WNT3: variants seen among roughly 807,000 people sequenced by gnomAD.
WNT3 encodes proto-oncogene Wnt-3.
Under a neutral mutation model 34.2 loss-of-function variants are expected in WNT3, and 7 were observed. The observed-to-expected ratio is 0.20, with a 90% CI of 0.12 to 0.38. The LOEUF (loss-of-function observed/expected upper bound fraction) is 0.38, where lower values mean the gene tolerates loss of function less well. Among genes scored for constraint, WNT3 ranks in the 10% least tolerant of loss-of-function variants. The probability of loss-of-function intolerance (pLI) is 1.00; values close to 1 mark genes in which losing one functional copy is unlikely to be tolerated. For synonymous variants in WNT3, 212 were observed against 211.5 expected (o/e 1.00, Z -0.02); for missense variants, 267 against 499.8 (o/e 0.53, Z 4.44).
intron 1 of WNT3, among the ~76,000 whole-genome samples, chr17:46,795,109 G>A (rs1188984143): frequency 6.6e-6 from 1 of 152,002 alleles, no homozygotes; most frequent in East Asian, 1.9e-4. Flanking sequence ...CCTCACCTGT[G>A]TCCCTCTGAG....
chr17:46,812,439 G>A (rs1383972595), intron 1 of WNT3, among the ~76,000 whole-genome samples: 1 of 152,166 alleles, frequency 6.6e-6, no homozygotes, highest in East Asian at 1.9e-4. Flanking sequence ...AGCTCCTAGA[G>A]AAGCAACTTC....
chr17:46,768,288 C>T lies in WNT3; in HGVS notation c.*8+24G>A. The T allele has an allele frequency of 1.9e-6, 3 of 1,612,346 alleles. No individual in the cohort carries two copies. Among genetic ancestry groups the T allele is most frequent in the Middle Eastern group, 1.8e-4 (1 of 5,558 alleles). ...TTCCCTGCGCCCAGGCTCCCAGCCT[C>T]CCCCCTGCTTCCCGGAGCCCTACCT... is the stretch of plus-strand genomic sequence containing the variant. On this transcript the variant is annotated intron_variant, in intron 4 of 4. Coordinates refer to ENST00000225512, the MANE Select transcript of WNT3 (RefSeq NM_030753.5). The surrounding 1 kb of genome is among the most constrained non-coding windows in gnomAD (Gnocchi z 5.0).
At chr17:46,766,739 T>A (rs762952080) in intron 4 of WNT3, among the ~76,000 whole-genome samples, 3 of 151,962 alleles carry the variant, frequency 2.0e-5, no homozygotes, top group Non-Finnish European at 4.4e-5. Flanking sequence ...CCTCCCCTAC[T>A]CCCTATGGCA....
At chr17:46,802,317 GTGCAGTGTTGTGATCTCAGCTCAC>G (rs2084135527) in intron 1 of WNT3, among the ~76,000 whole-genome samples, 1 of 152,182 alleles carries the variant, frequency 6.6e-6, no homozygotes, top group African/African-American at 2.4e-5. Flanking sequence ...CCTGGCTGGA[GTGCAGTGTTGTGATCTCAGCTCAC>G]TGCAACCTCC....
intron 2 of WNT3, 76 bp downstream of exon 2, chr17:46,773,592 C>CT: frequency 6.9e-7 from 1 of 1,454,512 alleles, no homozygotes; most frequent in South Asian, 1.4e-5. Flanking sequence ...GGCACCCTGA[C>CT]TGGGGTGGAA....
intron 1 of WNT3, among the ~76,000 whole-genome samples, chr17:46,799,788 T>C (rs991827163): frequency 6.6e-6 from 1 of 152,132 alleles, no homozygotes; most frequent in Admixed American, 6.5e-5. Context: ...ACAACTACCT[T>C]GAGATCATAT....
At chr17:46,811,878 A>T (rs2084281009) in intron 1 of WNT3, among the ~76,000 whole-genome samples, 1 of 151,728 alleles carries the variant, frequency 6.6e-6, no homozygotes, top group African/African-American at 2.4e-5. Flanking sequence ...AATTGCTTGA[A>T]CTCGGGAGGC....
chr17:46,816,418 A>ACTATACAC (rs1283527758), intron 1 of WNT3, among the ~76,000 whole-genome samples: 2 of 150,330 alleles, frequency 1.3e-5, no homozygotes, highest in African/African-American at 4.9e-5. Flanking sequence ...ACTTTTGCAC[A>ACTATACAC]CAGAGACACA....
intron 1 of WNT3, among the ~76,000 whole-genome samples, chr17:46,795,122 AC>A (rs2084036747): frequency 6.6e-6 from 1 of 151,906 alleles, no homozygotes; most frequent in Non-Finnish European, 1.5e-5. Context: ...CCTCTGAGCC[AC>A]CATTTTGGCC....
chr17:46,790,806 C>T (rs1180448196), intron 1 of WNT3, among the ~76,000 whole-genome samples: 1 of 152,242 alleles, frequency 6.6e-6, no homozygotes, highest in African/African-American at 2.4e-5. Context: ...TCCACCTTGG[C>T]AGAAATCAGA....
intron 2 of WNT3, among the ~76,000 whole-genome samples, chr17:46,771,513 C>A (rs1036950189): frequency 1.3e-5 from 2 of 148,934 alleles, no homozygotes. Flanking sequence ...GGGGGCGGGG[C>A]GGGGATTAGC....
At chr17:46,785,858 G>T (rs2059500242) in intron 1 of WNT3, among the ~76,000 whole-genome samples, 1 of 152,210 alleles carries the variant, frequency 6.6e-6, no homozygotes, top group African/African-American at 2.4e-5. Flanking sequence ...GGGAGGGAAG[G>T]GGTGTGGAGG....
At chr17:46,791,072 T>C (rs1341622044) in intron 1 of WNT3, among the ~76,000 whole-genome samples, 1 of 152,104 alleles carries the variant, frequency 6.6e-6, no homozygotes, top group East Asian at 1.9e-4. Flanking sequence ...TAGGTGGAAG[T>C]TCTGTCTGCA....
rs191773041 is a variant in WNT3 at position 46,763,214 on chromosome 17, C to T, written c.*1416G>A. On this transcript the variant is annotated 3_prime_UTR_variant, in exon 5 of 5. Coordinates refer to ENST00000225512, the MANE Select transcript of WNT3 (RefSeq NM_030753.5). ...CTTTGTTCTGCTCATTCCCCTGCTG[C>T]ATCTCTTCTTTCTGATTCTCCCTAA... 1 of 152,320 alleles carries T rather than the reference C, an allele frequency of 6.6e-6. No individual in the cohort carries two copies. The highest frequency in any genetic ancestry group is 2.4e-5 in the African/African-American group (1 of 41,552). 9.4% of individuals were successfully genotyped at this position (152,320 alleles called of 1,614,324 possible). A position where few individuals can be genotyped will look rare whatever the true frequency, so the allele number is the denominator to read the frequency against.
intron 1 of WNT3, among the ~76,000 whole-genome samples, chr17:46,785,785 C>T (rs1177178141): frequency 6.6e-6 from 1 of 151,812 alleles, no homozygotes; most frequent in Non-Finnish European, 1.5e-5. Context: ...AGGGAAGAGG[C>T]TGCGGGCCCT....
At chr17:46,767,149 A>G (rs1170675589) in intron 4 of WNT3, among the ~76,000 whole-genome samples, 1 of 152,086 alleles carries the variant, frequency 6.6e-6, no homozygotes, top group African/African-American at 2.4e-5. Flanking sequence ...CTCCTCATCC[A>G]TGCTGACCTA....
chr17:46,775,940 G>A (rs950073928), intron 1 of WNT3, among the ~76,000 whole-genome samples: 2 of 152,174 alleles, frequency 1.3e-5, no homozygotes, highest in African/African-American at 2.4e-5. Context: ...CGGTGGTAAT[G>A]GCTAATTACT....
chr17:46,810,467 T>C (rs2084259504), intron 1 of WNT3, among the ~76,000 whole-genome samples: 1 of 152,206 alleles, frequency 6.6e-6, no homozygotes, highest in Non-Finnish European at 1.5e-5. Context: ...GCCTCAGGTC[T>C]GAGGCCAACT....
At chr17:46,817,941 G>C (rs999820482) in intron 1 of WNT3, among the ~76,000 whole-genome samples, 1 of 152,074 alleles carries the variant, frequency 6.6e-6, no homozygotes, top group African/African-American at 2.4e-5. Flanking sequence ...GGCTCAAGAT[G>C]AATCTAGAGC....
Sources: gnomAD v4.1 joint callset for allele counts (sites outside exome capture counted in the v4.1 genomes callset) on GRCh38, gnomAD v4.1.1 for gene constraint, Gnocchi (gnomAD v3.1) non-coding constraint, MANE v1.5 for transcripts, NCBI Gene and HGNC (gene_info 2026-07-23, HGNC 2026-07-21) for gene names.